The following EPHB1 variants were observed in gnomAD, a reference collection of about 807,000 sequenced individuals.
EPHB1 encodes ephrin type-B receptor 1.
Under a neutral mutation model 94.4 loss-of-function variants are expected in EPHB1, and 30 were observed. The observed-to-expected ratio is 0.32, with a 90% confidence interval of 0.24 to 0.43. The LOEUF is 0.43. Among genes scored for constraint, EPHB1 ranks in the 20% least tolerant of loss-of-function variants. EPHB1 has a pLI of 1.00. For missense variants in EPHB1, 1,055 were observed against 1,308.3 expected (o/e 0.81, Z 2.99); for synonymous variants, 522 against 489.1 (o/e 1.07, Z -0.89).
chr3:134,844,898 C>T lies in EPHB1; in HGVS notation c.58+49209C>T, dbSNP rs560082362. Among the ~76,000 whole-genome samples the T allele has an allele frequency of 2.4e-4, 36 of 152,292 alleles. 1 individual carries two copies. In the South Asian group the frequency reaches 6.8e-3, roughly 29 times the overall value. ...CCAGTTTGCATGTGTTTTGATGTGA[C>T]GGACTTTTCCTGGCTGTGGAGTCCC... On this transcript the variant is annotated intron_variant, in intron 1 of 15. Transcript: ENST00000398015.
chr3:134,888,296 C>G (rs571977136), intron 1 of EPHB1, among the ~76,000 whole-genome samples: 3 of 152,314 alleles, frequency 2.0e-5, no homozygotes, highest in African/African-American at 7.2e-5. Flanking sequence ...CCTGGAAGGT[C>G]TCTTCTGTGA....
Position 134,913,609 on chromosome 3 carries a change from G to T in EPHB1, c.59-12207G>T, listed in dbSNP as rs539884208. Among the ~76,000 whole-genome samples, 5 of 152,282 alleles carry T rather than the reference G, an allele frequency of 3.3e-5. No individual in the cohort carries two copies. In the East Asian group the frequency reaches 9.7e-4, roughly 29 times the overall value. ...TCCCAAGAGGAAACACTCTATGGCC[G>T]GGGCCCCTAACCCCCAAGCCATCAA... On this transcript the variant is annotated intron_variant, in intron 1 of 15. Transcript: ENST00000398015.
At chr3:135,086,459 A>T (rs1181011290) in intron 3 of EPHB1, among the ~76,000 whole-genome samples, 1 of 151,484 alleles carries the variant, frequency 6.6e-6, no homozygotes, top group Non-Finnish European at 1.5e-5. Flanking sequence ...CTCCTCACAA[A>T]CACAAAGTCT....
In EPHB1 at chr3:134,839,660, G is replaced by A. The variant is rs578226635; in HGVS notation, c.58+43971G>A. ...CAGGCTGACTCTGACTGGAGTGAGA[G>A]AGGGGCAGTGCCCTGGGATAGGGTC... On this transcript the variant is annotated intron_variant, in intron 1 of 15. Coordinates refer to ENST00000398015, the MANE Select transcript of EPHB1 (RefSeq NM_004441.5). 1.4e-3 allele frequency among the ~76,000 whole-genome samples: 207 copies of A among 152,300 alleles called. 1 individual carries two copies. The highest frequency in any genetic ancestry group is 4.9e-3 in the African/African-American group (202 of 41,564).
Position 134,949,678 on chromosome 3 carries a change from G to C in EPHB1, c.124-1693G>C, listed in dbSNP as rs544295568. ...TTACCTTGATCACCACTCCTAAATAGTCAAGGATCTTAATTCATTTTCACT... is the reference window on the plus strand; with the variant it reads ...TTACCTTGATCACCACTCCTAAATACTCAAGGATCTTAATTCATTTTCACT... On this transcript the variant is annotated intron_variant, in intron 2 of 15. Coordinates refer to ENST00000398015, the MANE Select transcript of EPHB1 (RefSeq NM_004441.5). Among the ~76,000 whole-genome samples the C allele has an allele frequency of 9.2e-5, 14 of 152,258 alleles. No individual in the cohort carries two copies. In the South Asian group the frequency reaches 2.9e-3, roughly 32 times the overall value.
At position 135,111,440 on chromosome 3, in the gene EPHB1, A is replaced by G. The variant is rs561858079; in HGVS notation, c.961+4837A>G. Reference sequence around the variant, plus strand: ...TTTATGACTTCTGAGGAGAAAGGCCATTGGGTGAATTCTCACAGACTGGAA... The same window carrying G: ...TTTATGACTTCTGAGGAGAAAGGCCGTTGGGTGAATTCTCACAGACTGGAA... On this transcript the variant is annotated intron_variant, in intron 4 of 15. Transcript: ENST00000398015. Among the ~76,000 whole-genome samples, 33 of 152,158 alleles carry G rather than the reference A, an allele frequency of 2.2e-4. No individual in the cohort carries two copies. The South Asian group carries it at 6.4e-3, about 30-fold the overall frequency.
intron 1 of EPHB1, among the ~76,000 whole-genome samples, chr3:134,854,944 G>C (rs1380747129): frequency 1.3e-5 from 2 of 152,090 alleles, no homozygotes; most frequent in Non-Finnish European, 2.9e-5. Context: ...ATAATCCCCT[G>C]CCCACTCCTT....
intron 1 of EPHB1, among the ~76,000 whole-genome samples, chr3:134,863,148 A>G (rs2037302718): frequency 6.6e-6 from 1 of 152,200 alleles, no homozygotes; most frequent in African/African-American, 2.4e-5. Context: ...ATTTTCTGCC[A>G]CAGAGGTTTC....
Position 135,258,985 on chromosome 3 carries a change from ACTT to A in EPHB1, c.2847-23_2847-21del, listed in dbSNP as rs1183324097. 5.8e-6 allele frequency: 9 copies of A among 1,547,468 alleles called. No individual in the cohort carries two copies. In the African/African-American group the frequency reaches 6.8e-5, roughly 12 times the overall value. ...GAAAAGCTAACCTAACACTAAAGTGACTTCTTTTCTGGCTCTTTCCTCCTAGAG... is the reference window on the plus strand; with the variant it reads ...GAAAAGCTAACCTAACACTAAAGTGACTTTTCTGGCTCTTTCCTCCTAGAG... On this transcript the variant is annotated intron_variant, in intron 15 of 15. Transcript: ENST00000398015.
chr3:135,195,405 A>T (rs1559870472), intron 11 of EPHB1, among the ~76,000 whole-genome samples: 1 of 151,970 alleles, frequency 6.6e-6, no homozygotes, highest in Non-Finnish European at 1.5e-5. Context: ...ACATATGTAT[A>T]CATGTGCCAT....
chr3:134,889,587 C>T (rs982023832), intron 1 of EPHB1, among the ~76,000 whole-genome samples: 3 of 152,106 alleles, frequency 2.0e-5, no homozygotes, highest in Admixed American at 2.0e-4. Context: ...CTAGCTATGG[C>T]ATGATAATAT....
chr3:135,114,675 A>T (rs955601672), intron 4 of EPHB1, among the ~76,000 whole-genome samples: 3 of 151,006 alleles, frequency 2.0e-5, no homozygotes, highest in African/African-American at 7.3e-5. Context: ...GTGAGCCAAG[A>T]TCGTGTCACT....
intron 3 of EPHB1, among the ~76,000 whole-genome samples, chr3:135,063,163 A>G (rs1464071802): frequency 6.6e-6 from 1 of 152,050 alleles, no homozygotes. Context: ...TGCTTTGGGT[A>G]TGTGGGCTCT....
chr3:135,238,208 CT>C (rs1943700459), intron 12 of EPHB1, among the ~76,000 whole-genome samples: 1 of 152,192 alleles, frequency 6.6e-6, no homozygotes, highest in Non-Finnish European at 1.5e-5. Context: ...TTGTGCTCCC[CT>C]GACTTTGCAT....
At chr3:134,909,830 G>A (rs1424563500) in intron 1 of EPHB1, among the ~76,000 whole-genome samples, 2 of 152,180 alleles carry the variant, frequency 1.3e-5, no homozygotes, top group Non-Finnish European at 2.9e-5. Context: ...ATTACAAGAG[G>A]AAGAGGTGAC....
At position 134,961,300 on chromosome 3, in the gene EPHB1, C is replaced by G. The variant is rs190347899; in HGVS notation, c.805+9248C>G. Among the ~76,000 whole-genome samples, 61 of 152,200 alleles carry G rather than the reference C, an allele frequency of 4.0e-4. No individual in the cohort carries two copies. In the East Asian group the frequency reaches 9.5e-3, roughly 24 times the overall value. ...GGCCACATCCGGCTAGATAAAGCCT[C>G]GAAGGACAGCGAGTCAAGCACACCC... On this transcript the variant is annotated intron_variant, in intron 3 of 15. Coordinates refer to ENST00000398015, the MANE Select transcript of EPHB1 (RefSeq NM_004441.5).
intron 3 of EPHB1, among the ~76,000 whole-genome samples, chr3:134,967,733 A>G (rs1933816934): frequency 6.6e-6 from 1 of 152,232 alleles, no homozygotes; most frequent in South Asian, 2.1e-4. Flanking sequence ...ACCTAGTCTC[A>G]GGTTTTTAGT....
At chr3:135,003,764 A>G (rs890139681) in intron 3 of EPHB1, among the ~76,000 whole-genome samples, 22 of 151,958 alleles carry the variant, frequency 1.4e-4, no homozygotes, top group Non-Finnish European at 3.1e-4. Context: ...CTGTTTTATC[A>G]GAGACTAGGA....
At chr3:134,846,268 C>G (rs528277610) in intron 1 of EPHB1, among the ~76,000 whole-genome samples, 1 of 152,164 alleles carries the variant, frequency 6.6e-6, no homozygotes, top group Non-Finnish European at 1.5e-5. Flanking sequence ...GTTGAGTGCT[C>G]GGTGTTGTGG....
Sources: allele counts gnomAD v4.1 joint callset (sites outside exome capture counted in the v4.1 genomes callset), GRCh38; gene constraint gnomAD v4.1.1; transcripts MANE v1.5; gene names NCBI Gene and HGNC (gene_info 2026-07-23, HGNC 2026-07-21).